The following ABI2 variants were observed in gnomAD, a reference collection of about 807,000 sequenced individuals.
ABI2 encodes abl interactor 2.
In ABI2, 25 loss-of-function variants were observed where a neutral mutation model predicts 59.2. The ratio of observed to expected loss-of-function variants is 0.42; its 90% CI spans 0.31 to 0.59. The LOEUF is 0.59. Among genes scored for constraint, ABI2 ranks in the 20% least tolerant of loss-of-function variants. The pLI is 0.14. For synonymous variants in ABI2, 213 were observed against 235.5 expected (o/e 0.90, Z 0.87); for missense variants, 545 against 681.8 (o/e 0.80, Z 2.23).
chr2:203,348,960 T>A (rs930451565), intron 1 of ABI2, among the ~76,000 whole-genome samples: 1 of 152,168 alleles, frequency 6.6e-6, no homozygotes, highest in African/African-American at 2.4e-5. Flanking sequence ...GAGACAGGGT[T>A]TCACTTCCAT....
intron 1 of ABI2, chr2:203,329,372 A>G (rs1284255980): frequency 3.9e-5 from 4 of 102,810 alleles, no homozygotes; most frequent in Admixed American, 1.3e-4. Context: ...TTTTACCGTG[A>G]TGGATCGTTT....
chr2:203,349,621 T>C (rs1320775860), intron 1 of ABI2, among the ~76,000 whole-genome samples: 1 of 152,100 alleles, frequency 6.6e-6, no homozygotes, highest in East Asian at 1.9e-4. Context: ...GTCAGGCTGG[T>C]CTCGAACTCC....
At chr2:203,355,227 C>A in intron 1 of ABI2, 1 of 395,030 alleles carries the variant, frequency 2.5e-6, no homozygotes, top group South Asian at 1.9e-5. Flanking sequence ...AAAAAGAAGA[C>A]TGGGTACGGT....
At chr2:203,367,277 T>G (rs985102502) in intron 2 of ABI2, 1 of 445,830 alleles carries the variant, frequency 2.2e-6, no homozygotes, top group African/African-American at 2.0e-5. Context: ...TCAGTTGTCA[T>G]GGTAACATAA....
rs1436795109 is a variant in ABI2, at chr2:203,396,899, G to T, written c.965G>T (p.Gly322Val). ...SSTAPDAAAG[G>V]AQTLADGFTS... ...ACTGCCCCAGACGCTGCTGCTGGGG[G>T]TGCCCAGACCCTTGCTGATGGCTTC... The change falls in exon 8 of 12, where the codon GGT becomes GTT. Residue 322 changes from glycine to valine, a missense_variant. Gly to Val is a moderately radical substitution (Grantham distance 109, BLOSUM62 -3). Coordinates refer to ENST00000261018, the MANE Select transcript of ABI2 (RefSeq NM_001375670.1). 2 of 1,532,768 alleles carry T rather than the reference G, an allele frequency of 1.3e-6. No individual in the cohort carries two copies. The highest frequency in any genetic ancestry group is 1.7e-6 in the Non-Finnish European group (2 of 1,145,752). The allele number at this position is 1,532,768 out of a possible 1,614,324, so 94.9% of individuals were successfully genotyped here.
At chr2:203,361,455 A>G (rs764635417) in intron 1 of ABI2, among the ~76,000 whole-genome samples, 8 of 152,156 alleles carry the variant, frequency 5.3e-5, no homozygotes, top group Non-Finnish European at 1.0e-4. Context: ...GCAACGTAGT[A>G]AGACCCTGTC....
At chr2:203,387,357 A>G (rs979309250) in intron 4 of ABI2, among the ~76,000 whole-genome samples, 1 of 152,206 alleles carries the variant, frequency 6.6e-6, no homozygotes, top group Admixed American at 6.5e-5. Flanking sequence ...TAGAAAAAGT[A>G]TTAAGTCACA....
At chr2:203,384,307 T>TTTGTTTTG (rs1559289547) in intron 4 of ABI2, among the ~76,000 whole-genome samples, 2 of 115,492 alleles carry the variant, frequency 1.7e-5, no homozygotes, top group African/African-American at 6.1e-5. Context: ...TTTTTTTTTT[T>TTTGTTTTG]TTTTTTTTTT....
In ABI2 at chr2:203,431,310, GCAC is replaced by G; in HGVS notation, c.*3962_*3964del. 6.5e-6 allele frequency: 1 copy of G among 152,702 alleles called. No homozygotes were observed. The highest frequency in any genetic ancestry group is 1.9e-4 in the East Asian group (1 of 5,184). The allele number at this position is 152,702 out of a possible 1,614,324, so 9.5% of individuals were successfully genotyped here. On this transcript the variant is annotated 3_prime_UTR_variant, in exon 12 of 12. Coordinates refer to ENST00000261018, the MANE Select transcript of ABI2 (RefSeq NM_001375670.1). ...AGTGCTCAGTACTTAATTTTCCACT[GCAC>G]CACAACTGTCTTAACTAAATGTGCT...
At chr2:203,413,306 T>C (rs964427129) in intron 10 of ABI2, among the ~76,000 whole-genome samples, 8 of 152,238 alleles carry the variant, frequency 5.3e-5, no homozygotes, top group Non-Finnish European at 5.9e-5. Flanking sequence ...AAGCAGGATG[T>C]CATTGGTTTT....
chr2:203,331,598 A>G (rs2073571976), intron 1 of ABI2, among the ~76,000 whole-genome samples: 2 of 151,892 alleles, frequency 1.3e-5, no homozygotes, highest in Non-Finnish European at 2.9e-5. Context: ...GCCTCAGATG[A>G]TCGACCTGCC....
chr2:203,407,069 C>A (rs1340195708), intron 9 of ABI2, among the ~76,000 whole-genome samples: 1 of 152,158 alleles, frequency 6.6e-6, no homozygotes, highest in Non-Finnish European at 1.5e-5. Context: ...TACTGTCTTT[C>A]TTGGAGTTGA....
At chr2:203,421,379 A>G (rs1197956204) in intron 11 of ABI2, among the ~76,000 whole-genome samples, 2 of 152,238 alleles carry the variant, frequency 1.3e-5, no homozygotes, top group African/African-American at 2.4e-5. Context: ...ATCTTCAAAA[A>G]TCATGTTTGA....
chr2:203,328,616 G>A lies in ABI2; in HGVS notation c.102G>A (p.Glu34=). The change falls in exon 1 of 12, where the codon GAG becomes GAA. Residue 34 remains glutamate, a synonymous_variant. Coordinates refer to ENST00000261018, the MANE Select transcript of ABI2 (RefSeq NM_001375670.1). ...TGGAACGGGTGGCCGATTACTGCGA[G>A]AACAACTACATACAGGTGCGAAGCA... ...TNLERVADYC[E]NNYIQSADKQ... 6.2e-7 allele frequency: 1 copy of A among 1,602,666 alleles called. No individual in the cohort carries two copies. Among genetic ancestry groups the A allele is most frequent in the Non-Finnish European group, 8.5e-7 (1 of 1,174,854 alleles).
intron 1 of ABI2, among the ~76,000 whole-genome samples, chr2:203,333,278 A>T (rs2074821140): frequency 1.3e-5 from 2 of 152,210 alleles, no homozygotes; most frequent in South Asian, 4.1e-4. Context: ...TGGTACTCAT[A>T]CTTTTAAATA....
chr2:203,392,959 C>T, intron 5 of ABI2, among the ~76,000 whole-genome samples: 1 of 115,916 alleles, frequency 8.6e-6, no homozygotes. Flanking sequence ...CATTTTGTTC[C>T]TTTGCTCCTT....
chr2:203,423,824 ATC>A (rs1476938086), intron 11 of ABI2, among the ~76,000 whole-genome samples: 1 of 152,234 alleles, frequency 6.6e-6, no homozygotes, highest in Non-Finnish European at 1.5e-5. Context: ...TAAAAAGAGA[ATC>A]ATTTAAGCTA....
chr2:203,425,713 A>G (rs2098407895), intron 11 of ABI2, among the ~76,000 whole-genome samples: 1 of 152,136 alleles, frequency 6.6e-6, no homozygotes. Flanking sequence ...ATCTCTTCCT[A>G]GCAAGGATCT....
intron 11 of ABI2, among the ~76,000 whole-genome samples, chr2:203,421,534 G>C (rs557279806): frequency 9.1e-4 from 138 of 152,230 alleles, no homozygotes; most frequent in Non-Finnish European, 1.5e-3. Context: ...GGCACCCAGT[G>C]TTTTGTACTT....
Sources: gnomAD v4.1 joint callset for allele counts (sites outside exome capture counted in the v4.1 genomes callset) on GRCh38, gnomAD v4.1.1 for gene constraint, MANE v1.5 for transcripts, NCBI Gene and HGNC (gene_info 2026-07-23, HGNC 2026-07-21) for gene names.